CTBP2: variants seen among roughly 807,000 people sequenced by gnomAD.
CTBP2 encodes the protein C-terminal binding protein 2.
In CTBP2, 30 loss-of-function variants were observed where a neutral mutation model predicts 80.3. The observed-to-expected ratio is 0.37, with a 90% CI of 0.28 to 0.51. The LOEUF (loss-of-function observed/expected upper bound fraction) is 0.51. Ranked by LOEUF, CTBP2 falls within the 20% of genes least tolerant of loss-of-function variation. The pLI, the probability that CTBP2 is intolerant of heterozygous loss-of-function variation, is 0.93. For synonymous variants in CTBP2, 594 were observed against 587.4 expected (o/e 1.01, Z -0.16); for missense variants, 1,212 against 1,375.3 (o/e 0.88, Z 1.88).
chr10:125,010,100 T>C (rs911677321), intron 1 of CTBP2, among the ~76,000 whole-genome samples: 3 of 151,946 alleles, frequency 2.0e-5, no homozygotes, highest in Admixed American at 1.3e-4. Context: ...ATCTCCCCTC[T>C]GCCTTTCACG....
intron 1 of CTBP2, among the ~76,000 whole-genome samples, chr10:125,139,006 C>T (rs997194496): frequency 1.3e-5 from 2 of 152,154 alleles, no homozygotes; most frequent in African/African-American, 4.8e-5. Context: ...GTGCATTAGC[C>T]ATTACTATTA....
chr10:125,121,235 G>A (rs549954316), intron 1 of CTBP2, among the ~76,000 whole-genome samples: 2 of 152,346 alleles, frequency 1.3e-5, no homozygotes, highest in South Asian at 2.1e-4. Context: ...GGGCCACAGC[G>A]GGAAGCACAG....
chr10:124,997,826 G>T (rs1294940188), intron 4 of CTBP2, 138 bp downstream of exon 6: 2 of 840,158 alleles, frequency 2.4e-6, no homozygotes, highest in South Asian at 1.7e-5. Flanking sequence ...CTCCTACCCC[G>T]TGCAACACGG....
At chr10:125,105,572 C>T (rs1851324574) in intron 2 of CTBP2, among the ~76,000 whole-genome samples, 1 of 152,172 alleles carries the variant, frequency 6.6e-6, no homozygotes. Flanking sequence ...TAAGTTGAAA[C>T]TAATGCCCCT....
chr10:125,064,333 A>T (rs374687715), intron 2 of CTBP2, among the ~76,000 whole-genome samples: 18 of 152,296 alleles, frequency 1.2e-4, no homozygotes, highest in African/African-American at 4.3e-4. Context: ...CAGGTAAGTT[A>T]CCTTCCGGTT....
intron 1 of CTBP2, among the ~76,000 whole-genome samples, chr10:125,154,598 G>GA (rs1257201967): frequency 6.6e-5 from 10 of 152,190 alleles, no homozygotes; most frequent in African/African-American, 1.2e-4. Flanking sequence ...ACTGAGGGAG[G>GA]GACTAGGCAT....
chr10:125,110,093 G>T (rs1852054929), intron 2 of CTBP2, among the ~76,000 whole-genome samples: 2 of 152,196 alleles, frequency 1.3e-5, no homozygotes, highest in African/African-American at 4.8e-5. Flanking sequence ...AGGAAGCCAG[G>T]CCTGAGGGCC....
chr10:125,086,909 G>A (rs1447852925), intron 2 of CTBP2, among the ~76,000 whole-genome samples: 1 of 152,064 alleles, frequency 6.6e-6, no homozygotes, highest in Non-Finnish European at 1.5e-5. Context: ...CAGTGGGAGC[G>A]CGGCCACTGC....
At chr10:125,053,745 C>T (rs193050720) in intron 2 of CTBP2, among the ~76,000 whole-genome samples, 4 of 152,100 alleles carry the variant, frequency 2.6e-5, no homozygotes, top group African/African-American at 4.8e-5. Context: ...AAGGTGTAGA[C>T]GGGTCTGATG....
intron 1 of CTBP2, chr10:125,026,032 C>G (rs1352391456): frequency 6.5e-7 from 1 of 1,528,892 alleles, no homozygotes; most frequent in East Asian, 2.3e-5. Context: ...CCCCGCACCC[C>G]CCTGCTCCCC....
Position 125,146,217 on chromosome 10 carries a change from C to T in CTBP2, c.-206+14102G>A, listed in dbSNP as rs530817604. 4.0e-5 allele frequency among the ~76,000 whole-genome samples: 6 copies of T among 151,844 alleles called. No homozygotes were observed. The East Asian group carries it at 1.2e-3, about 29-fold the overall frequency. Reference sequence around the variant, plus strand: ...TGAACTCCTGACCTCAGGTGACTGGCCTGCCTCGGCCTCTCAAAGTGCTAG... The same window carrying T: ...TGAACTCCTGACCTCAGGTGACTGGTCTGCCTCGGCCTCTCAAAGTGCTAG... On this transcript the variant is annotated intron_variant, in intron 1 of 10. Transcript: ENST00000337195.
chr10:125,046,606 A>G (rs533944533), intron 2 of CTBP2, among the ~76,000 whole-genome samples: 13 of 151,594 alleles, frequency 8.6e-5, no homozygotes, highest in Non-Finnish European at 1.6e-4. Flanking sequence ...TGTTCTGTCC[A>G]TCTAACTCCC....
chr10:125,065,192 C>T (rs1049154452), intron 2 of CTBP2, among the ~76,000 whole-genome samples: 5 of 152,126 alleles, frequency 3.3e-5, no homozygotes, highest in African/African-American at 9.7e-5. Context: ...TGACTGGGCT[C>T]TTCAGGTTCC....
chr10:124,992,209 C>CTTT (rs61400691), intron 8 of CTBP2, among the ~76,000 whole-genome samples: 2,131 of 102,434 alleles, frequency 0.021, 86 homozygotes, highest in Non-Finnish European at 0.026. Context: ...TTGAGAAGCC[C>CTTT]TTTTTTTTTT....
At chr10:125,070,107 TTTGGGAGGCCGA>T (rs1845237893) in intron 2 of CTBP2, among the ~76,000 whole-genome samples, 2 of 151,812 alleles carry the variant, frequency 1.3e-5, no homozygotes, top group South Asian at 4.2e-4. Flanking sequence ...GTCCCAGCAC[TTTGGGAGGCCGA>T]GGCAGGCGGA....
At chr10:125,053,654 A>G (rs1278478392) in intron 2 of CTBP2, among the ~76,000 whole-genome samples, 1 of 152,220 alleles carries the variant, frequency 6.6e-6, no homozygotes, top group Admixed American at 6.5e-5. Context: ...TGGGCTTCAG[A>G]GACAGCACTT....
intron 2 of CTBP2, among the ~76,000 whole-genome samples, chr10:125,093,605 C>G (rs967730999): frequency 1.3e-5 from 2 of 152,222 alleles, no homozygotes; most frequent in South Asian, 4.1e-4. Flanking sequence ...TGCCCCACCC[C>G]CTCCCTTCTT....
rs1344411381 is a variant in CTBP2, at chr10:125,154,914, T to C, written c.-206+5405A>G. ...AAACTTATTTTAGCTGCATTCTCCC[T>C]AATGCTACCAACAGATTAAAAACTA... On this transcript the variant is annotated intron_variant, in intron 1 of 10. Transcript: ENST00000337195. Among the ~76,000 whole-genome samples, 4 of 152,228 alleles carry C rather than the reference T, an allele frequency of 2.6e-5. No homozygotes were observed. The East Asian group carries it at 7.7e-4, about 29-fold the overall frequency.
chr10:125,158,795 CG>C (rs1163706690), intron 1 of CTBP2: 2 of 147,966 alleles, frequency 1.4e-5, no homozygotes, highest in Non-Finnish European at 3.0e-5. Flanking sequence ...GGGCCGCCTC[CG>C]GAAAAAGTAC....
Sources: gnomAD v4.1 joint callset for allele counts (sites outside exome capture counted in the v4.1 genomes callset) on GRCh38, gnomAD v4.1.1 for gene constraint, MANE v1.5 for transcripts, NCBI Gene and HGNC (gene_info 2026-07-23, HGNC 2026-07-21) for gene names.